GLRA2: variants seen among roughly 807,000 people sequenced by gnomAD.
GLRA2 encodes glycine receptor alpha 2.
Under a neutral mutation model 31.6 loss-of-function variants are expected in GLRA2, and 11 were observed. The observed-to-expected ratio is 0.35, with a 90% CI of 0.22 to 0.58. GLRA2 has a LOEUF of 0.58. Ranked by LOEUF, GLRA2 falls within the 20% of genes least tolerant of loss-of-function variation. The probability of loss-of-function intolerance (pLI) is 0.84; values close to 1 mark genes in which losing one functional copy is unlikely to be tolerated. For missense variants in GLRA2, 212 were observed against 351.8 expected (o/e 0.60, Z 3.18); for synonymous variants, 132 against 134.0 (o/e 0.99, Z 0.10).
chrX:14,557,615 T>C (rs1304996758), intron 2 of GLRA2, among the ~76,000 whole-genome samples: 1 of 112,075 alleles, frequency 8.9e-6, no homozygotes, highest in Non-Finnish European at 1.9e-5. Context: ...CTACTCATCC[T>C]GCAATTTTAC....
intron 7 of GLRA2, among the ~76,000 whole-genome samples, chrX:14,688,503 G>T (rs752223004): frequency 1.8e-5 from 2 of 111,314 alleles, no homozygotes; most frequent in Non-Finnish European, 3.8e-5. Flanking sequence ...AGCAATGACA[G>T]GCGCCCATTC....
At chrX:14,710,545 T>C (rs1336231826) in intron 8 of GLRA2, among the ~76,000 whole-genome samples, 1 of 112,085 alleles carries the variant, frequency 8.9e-6, no homozygotes, top group Non-Finnish European at 1.9e-5. Context: ...TTCAAAATTA[T>C]AACAGCAGCA....
chrX:14,671,702 G>A (rs16996971), intron 7 of GLRA2, among the ~76,000 whole-genome samples: 3,250 of 112,442 alleles, frequency 0.029, 104 homozygotes, highest in African/African-American at 0.092. Context: ...GTGAGTTGCT[G>A]AGGGTTTATG....
chrX:14,721,046 G>A (rs984082431), intron 8 of GLRA2, among the ~76,000 whole-genome samples: 1 of 107,775 alleles, frequency 9.3e-6, no homozygotes, highest in African/African-American at 3.4e-5. Flanking sequence ...CTTGAGTCTG[G>A]GTAGTCGAGG....
chrX:14,576,217 C>T lies in GLRA2; in HGVS notation c.270+1817C>T, dbSNP rs142577064. On this transcript the variant is annotated intron_variant, in intron 3 of 8. Coordinates refer to ENST00000218075, the MANE Select transcript of GLRA2 (RefSeq NM_002063.4). ...CTTTTTTTCCACTGGCAAAATTAGACATAATTCAACTCCATTACCCATTTT... is the reference window on the plus strand; with the variant it reads ...CTTTTTTTCCACTGGCAAAATTAGATATAATTCAACTCCATTACCCATTTT... Among the ~76,000 whole-genome samples the T allele has an allele frequency of 3.4e-3, 384 of 111,388 alleles. 1 individual carries two copies. Among genetic ancestry groups the T allele is most frequent in the African/African-American group, 0.012 (353 of 30,682 alleles).
chrX:14,581,433 C>A (rs1382362280), intron 4 of GLRA2, 27 bp downstream of exon 4: 1 of 858,048 alleles, frequency 1.2e-6, no homozygotes. Flanking sequence ...TGCACATGTT[C>A]GCATCTCCAT....
At chrX:14,582,898 A>C (rs1443371235) in intron 4 of GLRA2, among the ~76,000 whole-genome samples, 2 of 112,293 alleles carry the variant, frequency 1.8e-5, no homozygotes, top group African/African-American at 6.5e-5. Flanking sequence ...TCAATAAAAT[A>C]TTATTTACAA....
the GLRA2 span, among the ~76,000 whole-genome samples, chrX:14,461,358 A>G: frequency 9.0e-6 from 1 of 111,670 alleles, no homozygotes; most frequent in African/African-American, 3.3e-5. Context: ...GTAGATGTCT[A>G]TTAGGTCTCC....
the GLRA2 span, among the ~76,000 whole-genome samples, chrX:14,520,743 A>G: frequency 9.8e-5 from 11 of 112,445 alleles, no homozygotes; most frequent in African/African-American, 3.6e-4. Context: ...CTGCAAAATA[A>G]AAAGGAGAGA....
the GLRA2 span, among the ~76,000 whole-genome samples, chrX:14,458,273 G>A: frequency 9.0e-6 from 1 of 111,501 alleles, no homozygotes; most frequent in Non-Finnish European, 1.9e-5. Context: ...GTCTATCATT[G>A]TTGGACATTT....
chrX:14,641,288 A>G (rs1381080857), intron 7 of GLRA2, among the ~76,000 whole-genome samples: 2 of 111,720 alleles, frequency 1.8e-5, no homozygotes, highest in African/African-American at 6.5e-5. Flanking sequence ...TGATTTTAAT[A>G]AAACAGTCTA....
At chrX:14,613,534 A>G (rs1159679476) in intron 7 of GLRA2, among the ~76,000 whole-genome samples, 3 of 111,995 alleles carry the variant, frequency 2.7e-5, no homozygotes, top group African/African-American at 9.7e-5. Context: ...CAATATTTGC[A>G]TTGTATTGGG....
chrX:14,566,566 T>G (rs976865099), intron 2 of GLRA2, among the ~76,000 whole-genome samples: 6 of 111,692 alleles, frequency 5.4e-5, no homozygotes, highest in Admixed American at 3.8e-4. Context: ...CCATTTTATA[T>G]GTAAGTTTAA....
At chrX:14,524,275 A>G in the GLRA2 span, among the ~76,000 whole-genome samples, 6 of 112,446 alleles carry the variant, frequency 5.3e-5, no homozygotes, top group Non-Finnish European at 9.4e-5. Flanking sequence ...ATCACAAGCC[A>G]TATGGCTTAG....
chrX:14,524,791 G>C (rs1052225958), upstream of GLRA2, among the ~76,000 whole-genome samples: 1 of 110,045 alleles, frequency 9.1e-6, no homozygotes, highest in Admixed American at 9.8e-5. Context: ...AGTAACCAAA[G>C]TTTAATGTAA....
Position 14,607,279 on chromosome X carries a change from T to TTC in GLRA2, c.715+12_715+13insCT, listed in dbSNP as rs1446577980. ...AGCACTACAACACTGGTAAGTTTCT[T>TTC]TTTTTTTTTTTTTCAGCTGTTAAAC... is the stretch of plus-strand genomic sequence containing the variant. On this transcript the variant is annotated intron_variant, in intron 6 of 8. Coordinates refer to ENST00000218075, the MANE Select transcript of GLRA2 (RefSeq NM_002063.4). 16 of 949,431 alleles carry TTC rather than the reference T, an allele frequency of 1.7e-5. No individual in the cohort carries two copies. The highest frequency in any genetic ancestry group is 2.1e-5 in the Non-Finnish European group (15 of 717,954). 78.2% of individuals were successfully genotyped at this position (949,431 alleles called of 1,213,427 possible).
intron 4 of GLRA2, among the ~76,000 whole-genome samples, chrX:14,581,900 G>A (rs761711754): frequency 1.8e-5 from 2 of 110,190 alleles, no homozygotes; most frequent in Non-Finnish European, 3.8e-5. Context: ...AAGTAAACAC[G>A]TGACCTTGAT....
At chrX:14,471,692 T>C in the GLRA2 span, among the ~76,000 whole-genome samples, 1 of 112,354 alleles carries the variant, frequency 8.9e-6, no homozygotes, top group African/African-American at 3.2e-5. Context: ...ATAAGTGGGA[T>C]AGCCCAATTT....
At chrX:14,557,067 T>TCTATTATA (rs2089651942) in intron 2 of GLRA2, among the ~76,000 whole-genome samples, 1 of 109,107 alleles carries the variant, frequency 9.2e-6, no homozygotes, top group Admixed American at 9.8e-5. Context: ...GAGTATAAGT[T>TCTATTATA]CTATTATACT....
Sources: gnomAD v4.1 joint callset for allele counts (sites outside exome capture counted in the v4.1 genomes callset) on GRCh38, gnomAD v4.1.1 for gene constraint, MANE v1.5 for transcripts, NCBI Gene and HGNC (gene_info 2026-07-23, HGNC 2026-07-21) for gene names.